The following NEDD1 variants were observed in gnomAD, a reference collection of about 807,000 sequenced individuals.
The protein encoded by NEDD1 is NEDD1 gamma-tubulin ring complex targeting factor, also known as protein NEDD1.
A neutral mutation model predicts 74.0 loss-of-function variants in NEDD1; 33 were observed. That is an observed-to-expected ratio of 0.45 (90% confidence interval 0.34 to 0.60). The LOEUF (loss-of-function observed/expected upper bound fraction) is 0.60. Among genes scored for constraint, NEDD1 ranks in the 20% least tolerant of loss-of-function variants. The probability of loss-of-function intolerance (pLI) is 0.01; values close to 1 mark genes in which losing one functional copy is unlikely to be tolerated. For missense variants in NEDD1, 746 were observed against 776.5 expected, an observed-to-expected ratio of 0.96 and a Z score of 0.47; for synonymous variants, 250 against 264.4, an observed-to-expected ratio of 0.95 and a Z score of 0.53.
At chr12:96,930,884 C>T (rs1876392584) in intron 6 of NEDD1, among the ~76,000 whole-genome samples, 1 of 152,186 alleles carries the variant, frequency 6.6e-6, no homozygotes, top group Non-Finnish European at 1.5e-5. Context: ...TTCAGAAACT[C>T]TGCCACCACC....
At chr12:96,912,675 G>A (rs763250033) in intron 3 of NEDD1, 48 bp from the exon 4 acceptor site, 3 of 859,222 alleles carry the variant, frequency 3.5e-6, no homozygotes, top group East Asian at 2.4e-5. Flanking sequence ...ATAGTCTAGT[G>A]CTATAGATGT....
At chr12:96,943,816 TGG>T in intron 12 of NEDD1, 54 bp downstream of exon 12, 3 of 1,210,794 alleles carry the variant, frequency 2.5e-6, no homozygotes, top group Non-Finnish European at 3.6e-6. Context: ...CAGTAGAAAG[TGG>T]GTGGCTGCCA....
chr12:96,919,510 A>C (rs1337616733), intron 5 of NEDD1, among the ~76,000 whole-genome samples: 2 of 151,948 alleles, frequency 1.3e-5, no homozygotes, highest in African/African-American at 2.4e-5. Flanking sequence ...CCACTCCTCC[A>C]TTTTGCAATG....
At chr12:96,936,553 A>G in intron 7 of NEDD1, 58 bp from the exon 8 acceptor site, 1 of 1,199,718 alleles carries the variant, frequency 8.3e-7, no homozygotes, top group Non-Finnish European at 1.2e-6. Flanking sequence ...TACTTATATA[A>G]GCTAATATAC....
Position 96,953,554 on chromosome 12 carries a change from AAAAT to A in NEDD1, c.*1507_*1510del, listed in dbSNP as rs1878886742. On this transcript the variant is annotated 3_prime_UTR_variant, in exon 16 of 16. Coordinates refer to ENST00000266742, the MANE Select transcript of NEDD1 (RefSeq NM_152905.4). ...AATATTTTCCTGTTGCTTTTTTAAA[AAAAT>A]AAATACACATAATGTATATTAAAAG... 6.6e-6 allele frequency: 1 copy of A among 151,318 alleles called. No individual in the cohort carries two copies. The highest frequency in any genetic ancestry group is 2.4e-5 in the African/African-American group (1 of 40,900). 9.4% of individuals were successfully genotyped at this position (151,318 alleles called of 1,614,324 possible).
chr12:96,917,590 T>G, intron 4 of NEDD1, 31 bp from the exon 5 acceptor site: 1 of 1,482,616 alleles, frequency 6.7e-7, no homozygotes, highest in Non-Finnish European at 8.8e-7. Context: ...TCTGTTAAAT[T>G]AAGGTAACTT....
intron 6 of NEDD1, among the ~76,000 whole-genome samples, chr12:96,923,373 ATACT>A (rs1362286814): frequency 6.6e-6 from 1 of 152,144 alleles, no homozygotes; most frequent in Non-Finnish European, 1.5e-5. Flanking sequence ...TTTTGAGTAA[ATACT>A]TAGGAGTGGA....
intron 6 of NEDD1, among the ~76,000 whole-genome samples, chr12:96,931,662 ATAT>A (rs1876483905): frequency 6.6e-6 from 1 of 152,192 alleles, no homozygotes; most frequent in African/African-American, 2.4e-5. Flanking sequence ...GTCTAACATG[ATAT>A]TATTTAGGTA....
chr12:96,940,972 G>T (rs1463956926), intron 10 of NEDD1, among the ~76,000 whole-genome samples: 2 of 152,006 alleles, frequency 1.3e-5, no homozygotes, highest in Non-Finnish European at 2.9e-5. Flanking sequence ...AAGCAAATTT[G>T]CCAGCTTGAT....
intron 6 of NEDD1, among the ~76,000 whole-genome samples, chr12:96,922,360 C>A (rs1439084279): frequency 6.6e-6 from 1 of 152,116 alleles, no homozygotes; most frequent in East Asian, 1.9e-4. Context: ...TGAAAAAAAT[C>A]ATTAATGTTC....
At chr12:96,921,243 G>A (rs565143896) in intron 6 of NEDD1, among the ~76,000 whole-genome samples, 53 of 152,222 alleles carry the variant, frequency 3.5e-4, no homozygotes, top group Non-Finnish European at 7.2e-4. Flanking sequence ...GTATAGTGGC[G>A]CAATCTCAGC....
chr12:96,913,605 C>T (rs1166463146), intron 4 of NEDD1, among the ~76,000 whole-genome samples: 2 of 152,080 alleles, frequency 1.3e-5, no homozygotes, highest in Admixed American at 6.6e-5. Context: ...AACTCCTGAC[C>T]TCATGATCCG....
intron 8 of NEDD1, 108 bp downstream of exon 8, chr12:96,936,920 A>T: frequency 1.5e-6 from 1 of 670,752 alleles, no homozygotes; most frequent in South Asian, 2.4e-5. Context: ...TCATAATTAC[A>T]TAATGATTTT....
chr12:96,919,178 T>C (rs758079277), intron 5 of NEDD1, among the ~76,000 whole-genome samples: 24 of 152,212 alleles, frequency 1.6e-4, no homozygotes, highest in Non-Finnish European at 2.9e-4. Flanking sequence ...ACTCAGTTTG[T>C]TTAAAACCTG....
At chr12:96,930,207 A>T (rs879900263) in intron 6 of NEDD1, among the ~76,000 whole-genome samples, 21,527 of 88,392 alleles carry the variant, frequency 0.24, 1,856 homozygotes, top group South Asian at 0.34. Flanking sequence ...ACACACACAC[A>T]CACACTCTCT....
At chr12:96,946,296 T>G (rs1240263073) in intron 14 of NEDD1, among the ~76,000 whole-genome samples, 2 of 152,208 alleles carry the variant, frequency 1.3e-5, no homozygotes, top group Non-Finnish European at 2.9e-5. Flanking sequence ...AAAAAATTCT[T>G]TCTCAGACTT....
At chr12:96,917,239 G>C (rs756549983) in intron 4 of NEDD1, among the ~76,000 whole-genome samples, 20 of 152,100 alleles carry the variant, frequency 1.3e-4, no homozygotes, top group African/African-American at 4.8e-4. Flanking sequence ...TAGCATTTTT[G>C]AGCTGGGGAT....
chr12:96,933,304 T>A (rs1273734704), intron 6 of NEDD1, among the ~76,000 whole-genome samples: 1 of 152,158 alleles, frequency 6.6e-6, no homozygotes, highest in African/African-American at 2.4e-5. Context: ...TAGTCTAAAT[T>A]TAGATCATGT....
At chr12:96,924,734 T>G (rs1298802950) in intron 6 of NEDD1, 3 of 393,756 alleles carry the variant, frequency 7.6e-6, no homozygotes, top group African/African-American at 6.3e-5. Context: ...ATTTACAGTT[T>G]ATAGACTATC....
Sources: gnomAD v4.1 joint callset for allele counts (sites outside exome capture counted in the v4.1 genomes callset) on GRCh38, gnomAD v4.1.1 for gene constraint, MANE v1.5 for transcripts, NCBI Gene and HGNC (gene_info 2026-07-23, HGNC 2026-07-21) for gene names.